OSBPL11: variants seen among roughly 807,000 people sequenced by gnomAD.
OSBPL11 encodes oxysterol binding protein like 11.
Under a neutral mutation model 84.4 loss-of-function variants are expected in OSBPL11, and 33 were observed. The ratio of observed to expected loss-of-function variants is 0.39; its 90% CI spans 0.30 to 0.52. The LOEUF is 0.52. Among genes scored for constraint, OSBPL11 ranks in the 20% least tolerant of loss-of-function variants. The pLI is 0.72. For synonymous variants in OSBPL11, 276 were observed against 310.2 expected, an observed-to-expected ratio of 0.89 and a Z score of 1.16; for missense variants, 736 against 901.1, an observed-to-expected ratio of 0.82 and a Z score of 2.35.
At chr3:125,530,993 T>TC (rs1440059688) in intron 12 of OSBPL11, among the ~76,000 whole-genome samples, 1 of 148,266 alleles carries the variant, frequency 6.7e-6, no homozygotes, top group Non-Finnish European at 1.5e-5. Flanking sequence ...CCTTTTTTTT[T>TC]TCCCCCAAGA....
At chr3:125,563,958 G>T in intron 6 of OSBPL11, 115 bp from the exon 7 acceptor site, 2 of 1,149,498 alleles carry the variant, frequency 1.7e-6, no homozygotes, top group Non-Finnish European at 2.4e-6. Flanking sequence ...AATTAAACCT[G>T]TTAAGAGACC....
intron 5 of OSBPL11, among the ~76,000 whole-genome samples, chr3:125,568,084 A>C (rs1936187080): frequency 6.6e-6 from 1 of 150,788 alleles, no homozygotes; most frequent in Non-Finnish European, 1.5e-5. Context: ...AATGGTGCTT[A>C]TCAATTGGGC....
In OSBPL11 at chr3:125,582,903, C is replaced by T; in HGVS notation, c.233+7G>A. 6.3e-7 allele frequency: 1 copy of T among 1,582,764 alleles called. No homozygotes were observed. The highest frequency in any genetic ancestry group is 1.2e-5 in the South Asian group (1 of 86,716). ...GAGACTGATGTGACACAAATAATCA[C>T]ACTTACCTGTACTGCCACCCAGTGA... On this transcript the variant is annotated splice_region_variant and intron_variant, in intron 2 of 12. Coordinates refer to ENST00000296220, the MANE Select transcript of OSBPL11 (RefSeq NM_022776.5).
At position 125,579,878 on chromosome 3, in the gene OSBPL11, T is replaced by C. The variant is rs746545960; in HGVS notation, c.396A>G (p.Gln132=). The C allele has an allele frequency of 1.2e-6, 2 of 1,614,142 alleles. No homozygotes were observed. Among genetic ancestry groups the C allele is most frequent in the Admixed American group, 1.7e-5 (1 of 60,002 alleles). ...TFTVNAASGE[Q]YKLRATDAKE... ...TTTTGGTCATACCTCTGAGTTTATA[T>C]TGTTCCCCACTGGCAGCGTTTACAG... is the stretch of plus-strand genomic sequence containing the variant. Residue 132 remains glutamine (Q), a synonymous_variant, in exon 3 of 13, where the codon CAA becomes CAG. Coordinates refer to ENST00000296220, the MANE Select transcript of OSBPL11 (RefSeq NM_022776.5).
rs140766481 is a variant in OSBPL11 at position 125,547,182 on chromosome 3, G to C, written c.1841+224C>G. Reference sequence around the variant, plus strand: ...AGAAATTCTACTATAAAGCTCACTAGTTACTTCATCAGGAAAATTTTTAAG... The same window carrying C: ...AGAAATTCTACTATAAAGCTCACTACTTACTTCATCAGGAAAATTTTTAAG... On this transcript the variant is annotated intron_variant, in intron 10 of 12. Coordinates refer to ENST00000296220, the MANE Select transcript of OSBPL11 (RefSeq NM_022776.5). Among the ~76,000 whole-genome samples the C allele has an allele frequency of 2.6e-5, 4 of 152,240 alleles. No homozygotes were observed. In the East Asian group the frequency reaches 7.7e-4, roughly 29 times the overall value.
At chr3:125,538,337 C>G in intron 11 of OSBPL11, 114 bp downstream of exon 11, 1 of 930,524 alleles carries the variant, frequency 1.1e-6, no homozygotes, top group Non-Finnish European at 1.6e-6. Flanking sequence ...TTTCAATTTA[C>G]AAAGCTGATG....
intron 2 of OSBPL11, 84 bp from the exon 3 acceptor site, chr3:125,580,124 T>C: frequency 8.8e-7 from 1 of 1,135,266 alleles, no homozygotes; most frequent in Non-Finnish European, 1.3e-6. Context: ...CACTTACACA[T>C]TTCAGGGTTT....
rs189528273 is a variant in OSBPL11, at chr3:125,537,270, T to C, written c.2024+1181A>G. On this transcript the variant is annotated intron_variant, in intron 11 of 12. Coordinates refer to ENST00000296220, the MANE Select transcript of OSBPL11 (RefSeq NM_022776.5). ...TAAGAGAAAGGGGCATGCGAGTACA[T>C]GGCAGTGAAGAATATAATGACTGCT... 3.3e-3 allele frequency among the ~76,000 whole-genome samples: 502 copies of C among 152,156 alleles called. 2 individuals carry two copies. The highest frequency in any genetic ancestry group is 6.8e-3 in the Middle Eastern group (2 of 292).
chr3:125,543,690 C>G (rs1008563485), intron 10 of OSBPL11, among the ~76,000 whole-genome samples: 4 of 152,072 alleles, frequency 2.6e-5, no homozygotes, highest in Non-Finnish European at 4.4e-5. Flanking sequence ...CACTTGAGGT[C>G]AGGAGTTCAA....
chr3:125,588,469 A>C lies in OSBPL11; in HGVS notation c.165-5491T>G, dbSNP rs78746341. On this transcript the variant is annotated intron_variant, in intron 1 of 12. Transcript: ENST00000296220. ...AGCCAATTCCTCATAATCTCTCTCT[A>C]TATATATCTACCTATTGGTTCTATT... Among the ~76,000 whole-genome samples the C allele has an allele frequency of 5.6e-3, 856 of 152,234 alleles. 13 individuals are homozygous for C. Among genetic ancestry groups the C allele is most frequent in the East Asian group, 0.026 (133 of 5,170 alleles).
chr3:125,534,951 G>GAAAAAAAAAAAAAAAAAAAAA (rs56164804), intron 11 of OSBPL11, among the ~76,000 whole-genome samples: 4 of 64,654 alleles, frequency 6.2e-5, no homozygotes, highest in East Asian at 4.5e-4. Context: ...TAAGAAATTA[G>GAAAAAAAAAAAAAAAAAAAAA]AAAAAAAAAA....
chr3:125,582,317 G>C (rs1396563348), intron 2 of OSBPL11, among the ~76,000 whole-genome samples: 2 of 151,334 alleles, frequency 1.3e-5, no homozygotes, highest in Non-Finnish European at 2.9e-5. Flanking sequence ...CTGGGTGACA[G>C]AGCGAGACTC....
Position 125,595,169 on chromosome 3 carries a change from G to A in OSBPL11, c.-369C>T, listed in dbSNP as rs1185466620. On this transcript the variant is annotated 5_prime_UTR_variant, in exon 1 of 13. Transcript: ENST00000296220. ...GGCTGGGAAAAGGACGGAGCGCCAC[G>A]GACAGGGGACCCGCGGCCTAACCTC... The A allele has an allele frequency of 8.9e-5, 15 of 169,448 alleles. No individual in the cohort carries two copies. Among genetic ancestry groups the A allele is most frequent in the Non-Finnish European group, 1.8e-4 (14 of 77,956 alleles). 10.5% of individuals were successfully genotyped at this position (169,448 alleles called of 1,614,324 possible).
chr3:125,587,201 T>C (rs1028996273), intron 1 of OSBPL11, among the ~76,000 whole-genome samples: 1 of 152,070 alleles, frequency 6.6e-6, no homozygotes, highest in Non-Finnish European at 1.5e-5. Context: ...GATGACTGAT[T>C]AGATGTGAAG....
intron 5 of OSBPL11, among the ~76,000 whole-genome samples, chr3:125,573,872 C>CAA (rs35902125): frequency 0.01 from 439 of 42,288 alleles, 7 homozygotes; most frequent in African/African-American, 0.018. Flanking sequence ...AACTCCGTCT[C>CAA]AAAAAAAAAA....
chr3:125,531,917 C>T lies in OSBPL11; in HGVS notation c.2122G>A (p.Glu708Lys). ...GTGCCTGTTTCAGTACGATGCCTTTCTTCAGTCCTCTGACGTTCTTCCAGG... is the reference window on the plus strand; with the variant it reads ...GTGCCTGTTTCAGTACGATGCCTTTTTTCAGTCCTCTGACGTTCTTCCAGG... Reference protein sequence around the residue: ...HTLEERQRTEERHRTETGTPW... With the variant: ...HTLEERQRTEKRHRTETGTPW... The change falls in exon 12 of 13, where the codon GAA (glutamate) becomes AAA (lysine). Residue 708 changes from glutamate to lysine, a missense_variant. Glu to Lys is a moderately conservative substitution (Grantham distance 56). Coordinates refer to ENST00000296220, the MANE Select transcript of OSBPL11 (RefSeq NM_022776.5). 4 of 1,614,068 alleles carry T rather than the reference C, an allele frequency of 2.5e-6. No individual in the cohort carries two copies. Among genetic ancestry groups the T allele is most frequent in the East Asian group, 2.2e-5 (1 of 44,864 alleles).
At chr3:125,535,512 C>T (rs983555913) in intron 11 of OSBPL11, among the ~76,000 whole-genome samples, 3 of 137,824 alleles carry the variant, frequency 2.2e-5, no homozygotes, top group Admixed American at 8.0e-5. Context: ...GGTTCAACGG[C>T]GGCTCACTGC....
At chr3:125,570,226 TA>T (rs543995044) in intron 5 of OSBPL11, among the ~76,000 whole-genome samples, 4 of 143,882 alleles carry the variant, frequency 2.8e-5, no homozygotes, top group East Asian at 2.0e-4. Context: ...AAAATAAAAT[TA>T]AAAAAAATAT....
At chr3:125,580,724 T>C (rs1315476796) in intron 2 of OSBPL11, among the ~76,000 whole-genome samples, 4 of 152,092 alleles carry the variant, frequency 2.6e-5, no homozygotes, top group Non-Finnish European at 5.9e-5. Flanking sequence ...TGAAAATTTT[T>C]CTTTAAAATT....
Sources: gnomAD v4.1 joint callset for allele counts (sites outside exome capture counted in the v4.1 genomes callset) on GRCh38, gnomAD v4.1.1 for gene constraint, MANE v1.5 for transcripts, NCBI Gene and HGNC (gene_info 2026-07-23, HGNC 2026-07-21) for gene names.